TCTN1: variants seen among roughly 807,000 people sequenced by gnomAD.
TCTN1 encodes tectonic family member 1.
Under a neutral mutation model 65.8 loss-of-function variants are expected in TCTN1, and 58 were observed. That is an observed-to-expected ratio of 0.88 (90% CI 0.71 to 1.10). TCTN1 has a LOEUF of 1.10. Among genes scored for constraint, TCTN1 ranks in the 50% least tolerant of loss-of-function variants. The probability of loss-of-function intolerance (pLI) is 0.00; values close to 1 mark genes in which losing one functional copy is unlikely to be tolerated. For missense variants in TCTN1, 645 were observed against 719.4 expected, an observed-to-expected ratio of 0.90 and a Z score of 1.18; for synonymous variants, 273 against 289.1, an observed-to-expected ratio of 0.94 and a Z score of 0.57.
chr12:110,632,569 T>C lies in TCTN1; in HGVS notation c.712+10T>C. The stretch of plus-strand genomic sequence containing the variant: ...GATAATAACCCTGCAGGTAAGAAAG[T>C]GGTCATTCTTCTTTCCTTAGACATT... On this transcript the variant is annotated intron_variant, in intron 5 of 14. Coordinates refer to ENST00000397659, the MANE Select transcript of TCTN1 (RefSeq NM_001082538.3). The C allele has an allele frequency of 6.2e-7, 1 of 1,612,362 alleles. No individual in the cohort carries two copies. Among genetic ancestry groups the C allele is most frequent in the Non-Finnish European group, 8.5e-7 (1 of 1,178,578 alleles).
chr12:110,634,117 A>AATAGTGTATAT (rs2136063441), intron 5 of TCTN1, among the ~76,000 whole-genome samples: 1 of 152,340 alleles, frequency 6.6e-6, no homozygotes, highest in Admixed American at 6.5e-5. Context: ...TGAGGGGCAG[A>AATAGTGTATAT]ATAGTGTATA....
chr12:110,642,275 G>C lies in TCTN1; in HGVS notation c.1217G>C (p.Arg406Thr), dbSNP rs372139162. Reference sequence around the variant, plus strand: ...TCTGGGATTATTCAGACCACAAATAGATATGGACAGCTTACTATTCTTCAT... The same window carrying C: ...TCTGGGATTATTCAGACCACAAATACATATGGACAGCTTACTATTCTTCAT... ...KGSGIIQTTN[R>T]YGQLTILHST... Residue 406 changes from arginine (R) to threonine (T), a missense_variant, in exon 11 of 15, where the codon AGA becomes ACA. Physicochemically the swap from Arg to Thr is moderately conservative, Grantham distance 71. Transcript: ENST00000397659. The C allele has an allele frequency of 8.1e-6, 13 of 1,614,078 alleles. No homozygotes were observed. Among genetic ancestry groups the C allele is most frequent in the Non-Finnish European group, 1.1e-5 (13 of 1,180,038 alleles).
intron 4 of TCTN1, among the ~76,000 whole-genome samples, chr12:110,631,766 G>A (rs540639887): frequency 2.7e-4 from 41 of 152,150 alleles, no homozygotes; most frequent in African/African-American, 9.4e-4. Flanking sequence ...ATACATTTTT[G>A]TACACTTCAC....
chr12:110,648,800 A>G (rs1028892778), intron 14 of TCTN1: 9 of 315,770 alleles, frequency 2.9e-5, no homozygotes, highest in South Asian at 2.1e-4. Flanking sequence ...GAGAGAGTTT[A>G]TTTTATACAG....
In TCTN1 at chr12:110,636,398, T is replaced by C. The variant is rs530136578; in HGVS notation, c.823-83T>C. 4.0e-5 allele frequency: 39 copies of C among 968,726 alleles called. 1 individual carries two copies. The highest frequency in any genetic ancestry group is 4.4e-4 in the Middle Eastern group (2 of 4,570). The allele number at this position is 968,726 out of a possible 1,614,324, so 60.0% of individuals were successfully genotyped here. A position where few individuals can be genotyped will look rare whatever the true frequency, so the allele number is the denominator to read the frequency against. ...AGCCTTTAATAAGATGAATATACTC[T>C]TCAACTCGAGATCTGAAAAAGCAAT... On this transcript the variant is annotated intron_variant, in intron 6 of 14. Transcript: ENST00000397659.
chr12:110,627,702 CCTTTTTT>C (rs1269588700), intron 3 of TCTN1: 8 of 419,668 alleles, frequency 1.9e-5, no homozygotes, highest in Non-Finnish European at 2.9e-5. Flanking sequence ...GTTTCTATTT[CCTTTTTT>C]CTTTTATTTT....
chr12:110,621,876 G>A (rs1412226026), intron 2 of TCTN1, among the ~76,000 whole-genome samples: 3 of 151,428 alleles, frequency 2.0e-5, no homozygotes, highest in South Asian at 4.2e-4. Flanking sequence ...GGTGTCTCAC[G>A]CCTGTAATCC....
At chr12:110,615,620 A>G (rs1390141167) in intron 1 of TCTN1, among the ~76,000 whole-genome samples, 3 of 152,098 alleles carry the variant, frequency 2.0e-5, no homozygotes, top group Non-Finnish European at 4.4e-5. Flanking sequence ...AGCTGGAACC[A>G]CAGGCGTGCT....
chr12:110,632,058 T>G (rs1225348390), intron 4 of TCTN1, among the ~76,000 whole-genome samples: 1 of 152,214 alleles, frequency 6.6e-6, no homozygotes, highest in Non-Finnish European at 1.5e-5. Flanking sequence ...AAAGAAGGCA[T>G]TCTTTCATAA....
At position 110,649,147 on chromosome 12, in the gene TCTN1, C is replaced by T. The variant is rs980473501; in HGVS notation, c.*106C>T. The T allele has an allele frequency of 1.6e-5, 11 of 676,644 alleles. No individual in the cohort carries two copies. The African/African-American group carries it at 2.0e-4, about 12-fold the overall frequency. The allele number at this position is 676,644 out of a possible 1,614,324, so 41.9% of individuals were successfully genotyped here. A position where few individuals can be genotyped will look rare whatever the true frequency, so the allele number is the denominator to read the frequency against. On this transcript the variant is annotated 3_prime_UTR_variant, in exon 15 of 15. Transcript: ENST00000397659. The stretch of plus-strand genomic sequence containing the variant: ...AACTAGCAATTGTCCAGCTTTGTTG[C>T]TCATTTTCAATTAAGGCTAAAGTGT...
rs750086897 is a variant in TCTN1, at chr12:110,628,930, C to T, written c.624+12C>T. Reference sequence around the variant, plus strand: ...CTGCTAAATATGAGGTGAGCCTGAACTTGATTGATTCTTTTCATCCCATCA... The same window carrying T: ...CTGCTAAATATGAGGTGAGCCTGAATTTGATTGATTCTTTTCATCCCATCA... On this transcript the variant is annotated intron_variant, in intron 4 of 14. Coordinates refer to ENST00000397659, the MANE Select transcript of TCTN1 (RefSeq NM_001082538.3). 21 of 1,613,004 alleles carry T rather than the reference C, an allele frequency of 1.3e-5. No individual in the cohort carries two copies. The highest frequency in any genetic ancestry group is 1.6e-5 in the Non-Finnish European group (19 of 1,179,842).
At position 110,628,838 on chromosome 12, in the gene TCTN1, T is replaced by A; in HGVS notation, c.544T>A (p.Ser182Thr). The A allele has an allele frequency of 1.2e-6, 2 of 1,613,376 alleles. No homozygotes were observed. Among genetic ancestry groups the A allele is most frequent in the Non-Finnish European group, 1.7e-6 (2 of 1,179,600 alleles). ...CAATTTTGATACATTGATGAAAACA[T>A]CTGATGGTTTTACATTGAATGCTGA... Reference protein sequence around the residue: ...ENNFDTLMKTSDGFTLNAESY... With the variant: ...ENNFDTLMKTTDGFTLNAESY... The change falls in exon 4 of 15, where the codon TCT becomes ACT. Residue 182 changes from serine (S) to threonine (T), a missense_variant. Coordinates refer to ENST00000397659, the MANE Select transcript of TCTN1 (RefSeq NM_001082538.3).
chr12:110,625,713 C>T (rs1034606954), intron 2 of TCTN1: 1 of 150,612 alleles, frequency 6.6e-6, no homozygotes, highest in African/African-American at 2.4e-5. Context: ...CCACTGCACT[C>T]CAGCCTGGGA....
intron 4 of TCTN1, chr12:110,629,424 TG>T (rs1206872810): frequency 6.5e-6 from 1 of 154,314 alleles, no homozygotes; most frequent in African/African-American, 2.4e-5. Flanking sequence ...CATCAAAAAG[TG>T]GGTGAAGGAT....
intron 1 of TCTN1, among the ~76,000 whole-genome samples, chr12:110,615,481 T>A (rs528568161): frequency 2.0e-5 from 3 of 152,252 alleles, no homozygotes; most frequent in Admixed American, 1.3e-4. Context: ...AATCTTTTTT[T>A]ATTCTTTTTT....
At chr12:110,648,921 G>C in intron 14 of TCTN1, 122 bp from the exon 15 acceptor site, 5 of 413,530 alleles carry the variant, frequency 1.2e-5, no homozygotes, top group South Asian at 8.8e-5. Context: ...GGGGCACACA[G>C]AGGAGGGGCC....
chr12:110,623,744 A>G (rs988840433), intron 2 of TCTN1, among the ~76,000 whole-genome samples: 1 of 152,110 alleles, frequency 6.6e-6, no homozygotes, highest in African/African-American at 2.4e-5. Context: ...ATCTGCCAGC[A>G]TGCCGGGCTA....
intron 2 of TCTN1, among the ~76,000 whole-genome samples, chr12:110,620,337 G>A (rs968927057): frequency 6.6e-6 from 1 of 152,006 alleles, no homozygotes; most frequent in Admixed American, 6.6e-5. Flanking sequence ...GAACCCGGGA[G>A]GCAGAGCTTG....
chr12:110,626,237 C>T, intron 2 of TCTN1, 125 bp from the exon 3 acceptor site: 1 of 1,156,736 alleles, frequency 8.6e-7, no homozygotes, highest in African/African-American at 1.6e-5. Flanking sequence ...GTCATGCTTT[C>T]ATAAATATCC....
Sources: allele counts gnomAD v4.1 joint callset (sites outside exome capture counted in the v4.1 genomes callset), GRCh38; gene constraint gnomAD v4.1.1; transcripts MANE v1.5; gene names NCBI Gene and HGNC (gene_info 2026-07-23, HGNC 2026-07-21).